ST6GALNAC3: variants seen among roughly 807,000 people sequenced by gnomAD.
ST6GALNAC3 encodes ST6 N-acetylgalactosaminide alpha-2,6-sialyltransferase 3, also known as alpha-N-acetylgalactosaminide alpha-2,6-sialyltransferase 3.
ST6GALNAC3 carries 25 observed loss-of-function variants against 32.7 expected under a neutral mutation model. The observed-to-expected ratio is 0.76, with a 90% CI of 0.56 to 1.07. ST6GALNAC3 has a LOEUF of 1.07. Among genes scored for constraint, ST6GALNAC3 ranks in the 50% least tolerant of loss-of-function variants. The pLI is 0.00. For synonymous variants in ST6GALNAC3, 129 were observed against 133.1 expected (o/e 0.97, Z 0.21); for missense variants, 355 against 382.4 (o/e 0.93, Z 0.60).
At chr1:76,340,458 G>T (rs1251451307) in intron 2 of ST6GALNAC3, among the ~76,000 whole-genome samples, 1 of 152,118 alleles carries the variant, frequency 6.6e-6, no homozygotes, top group Non-Finnish European at 1.5e-5. Context: ...AGAGCAGTCG[G>T]CTTTTCTGTC....
chr1:76,430,201 A>T (rs1185690794), intron 3 of ST6GALNAC3, among the ~76,000 whole-genome samples: 1 of 152,170 alleles, frequency 6.6e-6, no homozygotes, highest in Non-Finnish European at 1.5e-5. Flanking sequence ...CTATGAAAAT[A>T]GTCTCCATCT....
chr1:76,466,499 G>C lies in ST6GALNAC3; in HGVS notation c.623+54082G>C, dbSNP rs915098822. ...GAAAGCATTTTTAAAGTGCAATACT[G>C]CTGCTACAATGTTGGTGAAGTGACT... On this transcript the variant is annotated intron_variant, in intron 3 of 4. Transcript: ENST00000328299. Among the ~76,000 whole-genome samples the C allele has an allele frequency of 2.6e-5, 4 of 152,054 alleles. No individual in the cohort carries two copies. In the East Asian group the frequency reaches 7.7e-4, roughly 29 times the overall value.
intron 2 of ST6GALNAC3, among the ~76,000 whole-genome samples, chr1:76,408,538 A>T (rs760247149): frequency 7.9e-5 from 12 of 152,006 alleles, no homozygotes; most frequent in Admixed American, 2.6e-4. Flanking sequence ...TGACCTCATA[A>T]TCTGCACAGC....
chr1:76,386,489 T>C (rs1480963385), intron 2 of ST6GALNAC3, among the ~76,000 whole-genome samples: 4 of 152,054 alleles, frequency 2.6e-5, no homozygotes, highest in Admixed American at 6.5e-5. Context: ...GGTGAATGAA[T>C]TGTGAAGCTG....
At chr1:76,380,013 G>A (rs956982396) in intron 2 of ST6GALNAC3, among the ~76,000 whole-genome samples, 1 of 152,122 alleles carries the variant, frequency 6.6e-6, no homozygotes, top group Non-Finnish European at 1.5e-5. Flanking sequence ...AATCATGGAA[G>A]AAGCAAATAA....
chr1:76,359,405 C>T (rs889593155), intron 2 of ST6GALNAC3, among the ~76,000 whole-genome samples: 2 of 152,070 alleles, frequency 1.3e-5, no homozygotes, highest in East Asian at 3.9e-4. Context: ...GACTTGTGTC[C>T]TTATTTTTAA....
At chr1:76,512,466 T>C (rs909788648) in intron 3 of ST6GALNAC3, among the ~76,000 whole-genome samples, 3 of 152,216 alleles carry the variant, frequency 2.0e-5, no homozygotes, top group African/African-American at 7.2e-5. Context: ...TGACACATTT[T>C]ATAATTACAC....
At chr1:76,515,166 G>A (rs1033690715) in intron 3 of ST6GALNAC3, among the ~76,000 whole-genome samples, 11 of 151,910 alleles carry the variant, frequency 7.2e-5, no homozygotes, top group African/African-American at 2.7e-4. Flanking sequence ...TTTTGATGGA[G>A]GGTATTTTAT....
intron 1 of ST6GALNAC3, among the ~76,000 whole-genome samples, chr1:76,263,084 G>C (rs1023545695): frequency 1.1e-4 from 16 of 152,072 alleles, no homozygotes; most frequent in African/African-American, 3.9e-4. Flanking sequence ...TATAGAGAAT[G>C]AATATTTTCA....
chr1:76,561,317 T>C (rs536214127), intron 3 of ST6GALNAC3, among the ~76,000 whole-genome samples: 7 of 152,210 alleles, frequency 4.6e-5, no homozygotes, highest in African/African-American at 1.7e-4. Flanking sequence ...TAGTCAGTAA[T>C]AGTTTAGTTG....
intron 3 of ST6GALNAC3, among the ~76,000 whole-genome samples, chr1:76,546,738 G>C (rs1042787863): frequency 6.6e-6 from 1 of 152,224 alleles, no homozygotes; most frequent in African/African-American, 2.4e-5. Flanking sequence ...GGCCAGCCAT[G>C]CAGTCTGGCA....
intron 2 of ST6GALNAC3, among the ~76,000 whole-genome samples, chr1:76,409,795 T>C (rs1299583172): frequency 6.6e-6 from 1 of 152,158 alleles, no homozygotes; most frequent in Non-Finnish European, 1.5e-5. Context: ...TGTAGTGTTA[T>C]TGAGTGATGA....
chr1:76,417,449 A>G (rs2101347849), intron 3 of ST6GALNAC3, among the ~76,000 whole-genome samples: 1 of 152,232 alleles, frequency 6.6e-6, no homozygotes, highest in Non-Finnish European at 1.5e-5. Flanking sequence ...TGACATTTAC[A>G]CATTTGCATT....
chr1:76,605,813 C>A (rs1180884398), intron 3 of ST6GALNAC3, among the ~76,000 whole-genome samples: 1 of 120,968 alleles, frequency 8.3e-6, no homozygotes, highest in African/African-American at 3.2e-5. Context: ...TGCAGTGAGC[C>A]GAGATTGTGC....
intron 3 of ST6GALNAC3, among the ~76,000 whole-genome samples, chr1:76,600,341 T>C (rs1430137166): frequency 6.6e-6 from 1 of 152,182 alleles, no homozygotes; most frequent in African/African-American, 2.4e-5. Context: ...TGGTATTTTA[T>C]TATAGCAACC....
intron 3 of ST6GALNAC3, among the ~76,000 whole-genome samples, chr1:76,489,489 T>G (rs1660354804): frequency 6.6e-6 from 1 of 152,154 alleles, no homozygotes. Context: ...TCTTCCCCTC[T>G]TTCTCTTTTT....
chr1:76,367,553 C>T (rs538932094), intron 2 of ST6GALNAC3, among the ~76,000 whole-genome samples: 2 of 152,170 alleles, frequency 1.3e-5, no homozygotes, highest in East Asian at 1.9e-4. Context: ...TTCAGTGAAA[C>T]TTTTATTTTT....
chr1:76,482,563 T>A (rs1309240940), intron 3 of ST6GALNAC3, among the ~76,000 whole-genome samples: 2 of 152,144 alleles, frequency 1.3e-5, no homozygotes, highest in African/African-American at 4.8e-5. Flanking sequence ...CAACAATTTT[T>A]AACAATTTTT....
intron 3 of ST6GALNAC3, among the ~76,000 whole-genome samples, chr1:76,434,487 G>T (rs1265940270): frequency 6.6e-6 from 1 of 152,054 alleles, no homozygotes; most frequent in Non-Finnish European, 1.5e-5. Context: ...TAAAAATCCT[G>T]CAACAAGAAG....
Sources: gnomAD v4.1 joint callset for allele counts (sites outside exome capture counted in the v4.1 genomes callset) on GRCh38, gnomAD v4.1.1 for gene constraint, MANE v1.5 for transcripts, NCBI Gene and HGNC (gene_info 2026-07-23, HGNC 2026-07-21) for gene names.